Variants in NCSTN observed in about 807,000 individuals in gnomAD.
NCSTN encodes the protein anterior pharynx-defective 2.
NCSTN carries 22 observed loss-of-function variants against 87.0 expected under a neutral mutation model. The ratio of observed to expected loss-of-function variants is 0.25; its 90% confidence interval spans 0.18 to 0.36. NCSTN has a LOEUF of 0.36. Ranked by LOEUF, NCSTN falls within the 10% of genes least tolerant of loss-of-function variation. The pLI is 1.00. For missense variants in NCSTN, 693 were observed against 883.3 expected (o/e 0.78, Z 2.73); for synonymous variants, 306 against 327.1 (o/e 0.94, Z 0.69).
chr1:160,349,085 C>G lies in NCSTN; in HGVS notation c.277C>G (p.Pro93Ala). The G allele has an allele frequency of 1.2e-6, 2 of 1,614,154 alleles. No homozygotes were observed. The highest frequency in any genetic ancestry group is 1.7e-6 in the Non-Finnish European group (2 of 1,180,020). The change falls in exon 3 of 17, where the codon CCT (proline) becomes GCT (alanine). Residue 93 changes from proline (P) to alanine (A), a missense_variant. Physicochemically the swap from Pro to Ala is conservative, Grantham distance 27. Transcript: ENST00000294785. ...GGTATTGACTGATGGCCCCAACCCCCCTTACATGGTTCTGCTGGAGAGCAA... is the reference window on the plus strand; with the variant it reads ...GGTATTGACTGATGGCCCCAACCCCGCTTACATGGTTCTGCTGGAGAGCAA... ...QWVLTDGPNP[P>A]YMVLLESKHF...
chr1:160,349,803 G>A lies in NCSTN; in HGVS notation c.436+133G>A, dbSNP rs1400127044. On this transcript the variant is annotated intron_variant, in intron 4 of 16. Transcript: ENST00000294785. Reference sequence around the variant, plus strand: ...GTCAGTAACTGACTCCCAAACAGGGGGTAGTGTTTATTTGTCTTTGCTGCT... The same window carrying A: ...GTCAGTAACTGACTCCCAAACAGGGAGTAGTGTTTATTTGTCTTTGCTGCT... 3.8e-6 allele frequency: 5 copies of A among 1,313,662 alleles called. No homozygotes were observed. The Admixed American group carries it at 5.6e-5, about 15-fold the overall frequency. 81.4% of individuals were successfully genotyped at this position (1,313,662 alleles called of 1,614,324 possible).
chr1:160,358,152 A>T lies in NCSTN; in HGVS notation c.2011A>T (p.Ile671Phe), dbSNP rs200074367. 7.4e-6 allele frequency: 12 copies of T among 1,614,022 alleles called. No homozygotes were observed. The East Asian group carries it at 2.7e-4, about 36-fold the overall frequency. ...FLIASKELEL[I>F]TLTVGFGILI... is the part of the protein sequence containing the mutation. ...CCTGCCCTCCCTCCCCCTGCAGTTG[A>T]TCACCCTGACAGTGGGCTTCGGCAT... The change falls in exon 17 of 17, where the codon ATC (isoleucine) becomes TTC (phenylalanine). Residue 671 changes from isoleucine (I) to phenylalanine (F), a missense_variant. Coordinates refer to ENST00000294785, the MANE Select transcript of NCSTN (RefSeq NM_015331.3).
intron 2 of NCSTN, among the ~76,000 whole-genome samples, chr1:160,347,590 C>A (rs1648569933): frequency 6.6e-6 from 1 of 152,036 alleles, no homozygotes; most frequent in Non-Finnish European, 1.5e-5. Context: ...GTCTTCCTGT[C>A]CTCGCTGGAG....
chr1:160,354,226 T>C lies in NCSTN; in HGVS notation c.1288T>C (p.Phe430Leu). The change falls in exon 11 of 17, where the codon TTT becomes CTT. Residue 430 changes from phenylalanine to leucine, a missense_variant. Phe to Leu is a conservative substitution (Grantham distance 22, BLOSUM62 0). Transcript: ENST00000294785. ...QPLPPSSLQR[F>L]LRARNISGVV... ...TCTCCCACCATCTTCCCTGCAGCGA[T>C]TTCTTCGAGCTCGAAACATCTCTGG... 1.2e-6 allele frequency: 2 copies of C among 1,614,160 alleles called. No individual in the cohort carries two copies. The highest frequency in any genetic ancestry group is 2.2e-5 in the South Asian group (2 of 91,080).
chr1:160,358,015 C>G, intron 16 of NCSTN, 134 bp from the exon 17 acceptor site: 1 of 1,121,170 alleles, frequency 8.9e-7, no homozygotes, highest in Non-Finnish European at 1.4e-6. Flanking sequence ...AGATGTTGCC[C>G]ATGATTATTC....
Position 160,358,212 on chromosome 1 carries a change from A to G in NCSTN, c.2071A>G (p.Asn691Asp). ...IFSLIVTYCI[N>D]AKADVLFIAP... ...CTCCCTCATCGTCACCTACTGCATC[A>G]ATGCCAAAGCTGATGTCCTTTTCAT... The change falls in exon 17 of 17, where the codon AAT (asparagine) becomes GAT (aspartate). Residue 691 changes from asparagine to aspartate, a missense_variant. Around this residue, in one of 4 missense-constraint regions of NCSTN, gnomAD observed 216 missense variants for 311.7 expected, o/e 0.69. Transcript: ENST00000294785. The G allele has an allele frequency of 1.2e-6, 2 of 1,614,070 alleles. No homozygotes were observed. The highest frequency in any genetic ancestry group is 2.2e-5 in the South Asian group (2 of 91,078).
chr1:160,351,722 T>G lies in NCSTN; in HGVS notation c.760T>G (p.Tyr254Asp). ...AATCGTCTGTGACCCCCTGTCTGAT[T>G]ACAATGTGTGGAGCATGCTAAAGCC... Reference protein sequence around the residue: ...PEIVCDPLSDYNVWSMLKPIN... With the variant: ...PEIVCDPLSDDNVWSMLKPIN... The change falls in exon 7 of 17, where the codon TAC becomes GAC. Residue 254 changes from tyrosine to aspartate, a missense_variant. Physicochemically the swap from Tyr to Asp is radical, Grantham distance 160. Coordinates refer to ENST00000294785, the MANE Select transcript of NCSTN (RefSeq NM_015331.3). 6.2e-7 allele frequency: 1 copy of G among 1,611,460 alleles called. No individual in the cohort carries two copies. The highest frequency in any genetic ancestry group is 8.5e-7 in the Non-Finnish European group (1 of 1,177,542).
In NCSTN at chr1:160,358,842, G is replaced by T; in HGVS notation, c.*571G>T. 1 of 156,974 alleles carries T rather than the reference G, an allele frequency of 6.4e-6. No individual in the cohort carries two copies. Among genetic ancestry groups the T allele is most frequent in the Non-Finnish European group, 1.4e-5 (1 of 70,684 alleles). The allele number at this position is 156,974 out of a possible 1,614,324, so 9.7% of individuals were successfully genotyped here. On this transcript the variant is annotated 3_prime_UTR_variant, in exon 17 of 17. Coordinates refer to ENST00000294785, the MANE Select transcript of NCSTN (RefSeq NM_015331.3). ...TCCCACCTCCAGCCCACAGTGCTCAGTTGTACTTTTTATTAAGCTGTAATA... is the reference window on the plus strand; with the variant it reads ...TCCCACCTCCAGCCCACAGTGCTCATTTGTACTTTTTATTAAGCTGTAATA...
intron 2 of NCSTN, among the ~76,000 whole-genome samples, chr1:160,346,683 G>A (rs1440532024): frequency 1.3e-5 from 2 of 151,390 alleles, no homozygotes; most frequent in Admixed American, 1.3e-4. Flanking sequence ...TCAGCTCACT[G>A]CAACTTCCTC....
chr1:160,352,789 A>G, intron 8 of NCSTN, 98 bp from the exon 9 acceptor site: 1 of 906,098 alleles, frequency 1.1e-6, no homozygotes, highest in South Asian at 1.4e-5. Flanking sequence ...GACCTGAGAT[A>G]GTCGTCTTAC....
chr1:160,343,620 C>T lies in NCSTN; in HGVS notation c.85+139C>T. On this transcript the variant is annotated intron_variant, in intron 1 of 16. Transcript: ENST00000294785. Reference sequence around the variant, plus strand: ...TGTAAATCCTCTTTCTTTTTCGTTCCCACGACAGAAGTTCCCCCTTTGCCT... The same window carrying T: ...TGTAAATCCTCTTTCTTTTTCGTTCTCACGACAGAAGTTCCCCCTTTGCCT... 4 of 881,184 alleles carry T rather than the reference C, an allele frequency of 4.5e-6. No individual in the cohort carries two copies. In the South Asian group the frequency reaches 5.7e-5, roughly 13 times the overall value. 54.6% of individuals were successfully genotyped at this position (881,184 alleles called of 1,614,324 possible). A position where few individuals can be genotyped will look rare whatever the true frequency, so the allele number is the denominator to read the frequency against.
At chr1:160,356,537 G>A in intron 14 of NCSTN, 63 bp from the exon 15 acceptor site, 1 of 1,600,940 alleles carries the variant, frequency 6.2e-7, no homozygotes, top group Non-Finnish European at 8.6e-7. Flanking sequence ...CCAATCTTGG[G>A]CTTTTCCTAT....
At position 160,354,163 on chromosome 1, in the gene NCSTN, C is replaced by T. The variant is rs775923899; in HGVS notation, c.1225C>T (p.Pro409Ser). ...ATTGGAGAAGAGTGGTGCTGGTGTC[C>T]CTGCTGTCATCCTCAGGAGGCCAAA... ...ATLEKSGAGVPAVILRRPNQS... is the reference protein window; with the variant it reads ...ATLEKSGAGVSAVILRRPNQS... The change falls in exon 11 of 17, where the codon CCT becomes TCT. Residue 409 changes from proline to serine, a missense_variant. Pro to Ser is a moderately conservative substitution (Grantham distance 74). Transcript: ENST00000294785. The T allele has an allele frequency of 1.2e-6, 2 of 1,614,126 alleles. No homozygotes were observed. The highest frequency in any genetic ancestry group is 1.7e-6 in the Non-Finnish European group (2 of 1,180,016).
chr1:160,346,218 T>C (rs1460103976), intron 2 of NCSTN, among the ~76,000 whole-genome samples: 1 of 152,194 alleles, frequency 6.6e-6, no homozygotes, highest in Non-Finnish European at 1.5e-5. Context: ...GTTTTGCAGA[T>C]AAGCAGGAAA....
chr1:160,345,514 C>T (rs1039517304), intron 2 of NCSTN, among the ~76,000 whole-genome samples: 1 of 152,104 alleles, frequency 6.6e-6, no homozygotes, highest in Non-Finnish European at 1.5e-5. Flanking sequence ...CTTAACCACC[C>T]TATTATACTG....
At position 160,353,200 on chromosome 1, in the gene NCSTN, A is replaced by C; in HGVS notation, c.1142A>C (p.Asp381Ala). Reference protein sequence around the residue: ...RTSLELWMHTDPVSQKNESVR... With the variant: ...RTSLELWMHTAPVSQKNESVR... The stretch of plus-strand genomic sequence containing the variant: ...TCATTAGAGCTTTGGATGCACACAG[A>C]TCCTGTTTCTCAGAAAAATGAGTCT... The change falls in exon 10 of 17, where the codon GAT (aspartate) becomes GCT (alanine). Residue 381 changes from aspartate to alanine, a missense_variant. Asp to Ala is a moderately radical substitution (Grantham distance 126, BLOSUM62 -2). Transcript: ENST00000294785. 6.2e-7 allele frequency: 1 copy of C among 1,614,036 alleles called. No individual in the cohort carries two copies. The highest frequency in any genetic ancestry group is 8.5e-7 in the Non-Finnish European group (1 of 1,180,004).
At chr1:160,350,553 A>AACCAAG (rs1557885412) in intron 5 of NCSTN, among the ~76,000 whole-genome samples, 1 of 152,158 alleles carries the variant, frequency 6.6e-6, no homozygotes, top group Non-Finnish European at 1.5e-5. Flanking sequence ...CTCCAAAAAG[A>AACCAAG]ACCAAGACGT....
intron 13 of NCSTN, 102 bp from the exon 14 acceptor site, chr1:160,356,158 G>C: frequency 8.7e-7 from 1 of 1,146,386 alleles, no homozygotes. Context: ...AGTCTATCTG[G>C]CCAGTCTGGT....
rs1457270510 is a variant in NCSTN, at chr1:160,350,030, C to T, written c.437-75C>T. ...AACTCTTAGTCCCAACTGAAAGATT[C>T]TTCTGCCGTCACCTGGTTCCTAAGT... On this transcript the variant is annotated intron_variant, in intron 4 of 16. Coordinates refer to ENST00000294785, the MANE Select transcript of NCSTN (RefSeq NM_015331.3). The T allele has an allele frequency of 3.9e-6, 6 of 1,544,238 alleles. No homozygotes were observed. The Admixed American group carries it at 1.0e-4, about 26-fold the overall frequency.
Sources: allele counts gnomAD v4.1 joint callset (sites outside exome capture counted in the v4.1 genomes callset), GRCh38; gene constraint gnomAD v4.1.1; regional missense constraint gnomAD v4.1.1; transcripts MANE v1.5; gene names NCBI Gene and HGNC (gene_info 2026-07-23, HGNC 2026-07-21).